HS6ST3: variants seen among roughly 807,000 people sequenced by gnomAD.
HS6ST3 encodes heparan-sulfate 6-O-sulfotransferase 3.
A neutral mutation model predicts 36.7 loss-of-function variants in HS6ST3; 12 were observed. That is an observed-to-expected ratio of 0.33 (90% CI 0.21 to 0.53). The LOEUF (loss-of-function observed/expected upper bound fraction) is 0.53. Ranked by LOEUF, HS6ST3 falls within the 20% of genes least tolerant of loss-of-function variation. The pLI is 0.95. For synonymous variants in HS6ST3, 240 were observed against 257.5 expected, an observed-to-expected ratio of 0.93 and a Z score of 0.65; for missense variants, 584 against 640.9, an observed-to-expected ratio of 0.91 and a Z score of 0.96.
intron 1 of HS6ST3, among the ~76,000 whole-genome samples, chr13:96,122,442 T>C (rs1238570382): frequency 6.6e-6 from 1 of 152,178 alleles, no homozygotes. Flanking sequence ...CCTAACTAAA[T>C]ACATGTATTT....
chr13:96,550,695 T>C (rs1357405991), intron 1 of HS6ST3, among the ~76,000 whole-genome samples: 2 of 152,134 alleles, frequency 1.3e-5, no homozygotes, highest in Non-Finnish European at 2.9e-5. Flanking sequence ...TTGGCGTAAT[T>C]ATGTATTGAG....
At chr13:96,546,280 C>A (rs529331069) in intron 1 of HS6ST3, among the ~76,000 whole-genome samples, 1 of 151,900 alleles carries the variant, frequency 6.6e-6, no homozygotes, top group East Asian at 1.9e-4. Flanking sequence ...TCTTTAGGGC[C>A]CTTCAGAAAA....
At chr13:96,553,793 G>C (rs2056229107) in intron 1 of HS6ST3, among the ~76,000 whole-genome samples, 1 of 152,154 alleles carries the variant, frequency 6.6e-6, no homozygotes, top group Non-Finnish European at 1.5e-5. Context: ...TTTACACAGG[G>C]TGAATTAAAT....
At chr13:96,412,866 AAC>A (rs1300375235) in intron 1 of HS6ST3, among the ~76,000 whole-genome samples, 1 of 150,346 alleles carries the variant, frequency 6.7e-6, no homozygotes, top group Non-Finnish European at 1.5e-5. Flanking sequence ...TATATATAAA[AAC>A]ATATATAAGC....
chr13:96,429,900 G>A (rs1259942289), intron 1 of HS6ST3, among the ~76,000 whole-genome samples: 2 of 152,184 alleles, frequency 1.3e-5, no homozygotes, highest in Non-Finnish European at 2.9e-5. Flanking sequence ...TAGCCACTGT[G>A]TGTTACTGGA....
intron 1 of HS6ST3, among the ~76,000 whole-genome samples, chr13:96,173,495 G>C (rs576554550): frequency 2.0e-5 from 3 of 152,060 alleles, no homozygotes; most frequent in African/African-American, 7.2e-5. Context: ...GCTACAGAAA[G>C]ATCAGTCTCA....
chr13:96,216,362 T>G (rs1384088445), intron 1 of HS6ST3, among the ~76,000 whole-genome samples: 1 of 152,210 alleles, frequency 6.6e-6, no homozygotes, highest in Non-Finnish European at 1.5e-5. Flanking sequence ...TGTGTCATGA[T>G]TCACTGAGCC....
intron 1 of HS6ST3, among the ~76,000 whole-genome samples, chr13:96,774,600 A>G (rs1877344086): frequency 6.6e-6 from 1 of 152,202 alleles, no homozygotes; most frequent in South Asian, 2.1e-4. Flanking sequence ...AGATCAACTT[A>G]ATGAAATCAA....
At chr13:96,361,616 G>C (rs2139436175) in intron 1 of HS6ST3, among the ~76,000 whole-genome samples, 1 of 152,206 alleles carries the variant, frequency 6.6e-6, no homozygotes, top group African/African-American at 2.4e-5. Flanking sequence ...TGCTTATTTT[G>C]GGATTAGATA....
chr13:96,169,447 C>G (rs183588426), intron 1 of HS6ST3: 1 of 149,676 alleles, frequency 6.7e-6, no homozygotes, highest in Non-Finnish European at 1.5e-5. Context: ...CGGAAAGGAT[C>G]CCTGAGCAAG....
At chr13:96,264,254 T>C (rs927052778) in intron 1 of HS6ST3, among the ~76,000 whole-genome samples, 1 of 152,182 alleles carries the variant, frequency 6.6e-6, no homozygotes, top group African/African-American at 2.4e-5. Flanking sequence ...GCTGTGCAAA[T>C]ACCAGAAGAG....
chr13:96,351,335 T>TTTTTTTTTTTTTTTAAA (rs1203595829), intron 1 of HS6ST3, among the ~76,000 whole-genome samples: 2 of 146,366 alleles, frequency 1.4e-5, no homozygotes, highest in African/African-American at 5.2e-5. Flanking sequence ...TTTTTTTTTT[T>TTTTTTTTTTTTTTTAAA]AAAAAAAACA....
chr13:96,640,413 T>A, intron 1 of HS6ST3, among the ~76,000 whole-genome samples: 1 of 151,922 alleles, frequency 6.6e-6, no homozygotes, highest in Non-Finnish European at 1.5e-5. Context: ...AATAGAATTA[T>A]TTGGTTTTTG....
At chr13:96,205,359 C>G (rs149199758) in intron 1 of HS6ST3, among the ~76,000 whole-genome samples, 50 of 152,208 alleles carry the variant, frequency 3.3e-4, no homozygotes, top group African/African-American at 1.1e-3. Context: ...AAAAAAAGCC[C>G]AGGATCATCC....
intron 1 of HS6ST3, among the ~76,000 whole-genome samples, chr13:96,166,928 A>G (rs1160219787): frequency 6.6e-6 from 1 of 151,856 alleles, no homozygotes; most frequent in Non-Finnish European, 1.5e-5. Context: ...AGGGGCTTTT[A>G]CCCCTTTTGC....
chr13:96,437,403 T>A (rs1423337261), intron 1 of HS6ST3, among the ~76,000 whole-genome samples: 1 of 152,248 alleles, frequency 6.6e-6, no homozygotes, highest in Non-Finnish European at 1.5e-5. Flanking sequence ...TCTTTGAGTC[T>A]TATTTGCTTT....
chr13:96,651,823 C>G (rs1369886749), intron 1 of HS6ST3, among the ~76,000 whole-genome samples: 5 of 152,016 alleles, frequency 3.3e-5, no homozygotes, highest in African/African-American at 1.2e-4. Context: ...AACCTTGGCT[C>G]TTTATCCTCA....
At chr13:96,504,203 G>C (rs1200968659) in intron 1 of HS6ST3, among the ~76,000 whole-genome samples, 4 of 152,122 alleles carry the variant, frequency 2.6e-5, no homozygotes, top group African/African-American at 9.7e-5. Flanking sequence ...GATGAACTAA[G>C]CCATAGCAAA....
intron 1 of HS6ST3, among the ~76,000 whole-genome samples, chr13:96,477,735 T>C (rs2055871015): frequency 6.6e-6 from 1 of 152,144 alleles, no homozygotes; most frequent in South Asian, 2.1e-4. Flanking sequence ...CCAGGTGTGT[T>C]GATGGGCACC....
Sources: allele counts gnomAD v4.1 joint callset (sites outside exome capture counted in the v4.1 genomes callset), GRCh38; gene constraint gnomAD v4.1.1; transcripts MANE v1.5; gene names NCBI Gene and HGNC (gene_info 2026-07-23, HGNC 2026-07-21).